NAIP: variants seen among roughly 807,000 people sequenced by gnomAD.
NAIP encodes the protein NLR family apoptosis inhibitory protein, also known as baculoviral IAP repeat-containing protein 1.
NAIP carries 15 observed loss-of-function variants against 23.0 expected under a neutral mutation model. That is an observed-to-expected ratio of 0.65 (90% CI 0.44 to 1.00). The LOEUF (loss-of-function observed/expected upper bound fraction) is 1.00. Among genes scored for constraint, NAIP ranks in the 50% least tolerant of loss-of-function variants. The pLI is 0.00. For missense variants in NAIP, 265 were observed against 278.8 expected, an observed-to-expected ratio of 0.95 and a Z score of 0.35; for synonymous variants, 100 against 100.2, an observed-to-expected ratio of 1.00 and a Z score of 0.01.
At position 71,008,055 on chromosome 5, in the gene NAIP, T is replaced by C. The variant is rs1267273587; in HGVS notation, c.668+3220A>G. Among the ~76,000 whole-genome samples the C allele has an allele frequency of 4.9e-5, 6 of 121,460 alleles. No homozygotes were observed. The South Asian group carries it at 1.9e-3, about 38-fold the overall frequency. 79.7% of individuals were successfully genotyped at this position (121,460 alleles called of 152,430 possible). On this transcript the variant is annotated intron_variant, in intron 5 of 16. Transcript: ENST00000517649. ...CTGGGATCACAGGTGTGAGCCACTGTGCCCAGCCTTTTTTTTTTTTTTTTT... is the reference window on the plus strand; with the variant it reads ...CTGGGATCACAGGTGTGAGCCACTGCGCCCAGCCTTTTTTTTTTTTTTTTT...
chr5:70,977,130 ATT>A (rs1168319035), intron 13 of NAIP, 72 bp from the exon 14 acceptor site: 2 of 103,310 alleles, frequency 1.9e-5, no homozygotes, highest in Admixed American at 9.7e-5. Context: ...CAAGTAGTTT[ATT>A]ATTTTGTTTC....
At chr5:70,977,977 C>G (rs1225292541) in intron 13 of NAIP, among the ~76,000 whole-genome samples, 1 of 124,406 alleles carries the variant, frequency 8.0e-6, no homozygotes, top group Non-Finnish European at 1.8e-5. Flanking sequence ...GCCTGGGTGA[C>G]AGATTGAGAC....
intron 4 of NAIP, 131 bp from the exon 5 acceptor site, chr5:71,011,505 G>A (rs1751157793): frequency 2.7e-6 from 2 of 752,464 alleles, no homozygotes; most frequent in African/African-American, 1.8e-5. Context: ...ATTGGCCTGA[G>A]TCTCCATCCT....
chr5:71,012,135 T>C (rs542733157), intron 4 of NAIP, among the ~76,000 whole-genome samples: 1 of 151,718 alleles, frequency 6.6e-6, no homozygotes, highest in African/African-American at 2.4e-5. Context: ...TCTTATTTTA[T>C]ATATATTTGA....
rs141020129 is a variant in NAIP, at chr5:71,012,816, A to C, written c.100T>G (p.Leu34Val). ...SALLGLDAVQ[L>V]AKELEEEEQK... Reference sequence around the variant, plus strand: ...TCCTCTTCTTCTAGTTCCTTTGCCAACTGAACTGCATCTAGGCCCAGAAGA... The same window carrying C: ...TCCTCTTCTTCTAGTTCCTTTGCCACCTGAACTGCATCTAGGCCCAGAAGA... Residue 34 changes from leucine to valine, a missense_variant, in exon 4 of 17, where the codon TTG becomes GTG. Around this residue, in one of 2 missense-constraint regions of NAIP, gnomAD observed 261 missense variants for 259.2 expected, o/e 1.01. Transcript: ENST00000517649. 1 of 1,611,902 alleles carries C rather than the reference A, an allele frequency of 6.2e-7. No homozygotes were observed. Among genetic ancestry groups the C allele is most frequent in the Non-Finnish European group, 8.5e-7 (1 of 1,178,486 alleles).
chr5:71,014,358 A>G (rs1005771674), intron 3 of NAIP, among the ~76,000 whole-genome samples: 1 of 147,262 alleles, frequency 6.8e-6, no homozygotes, highest in African/African-American at 2.5e-5. Context: ...TTGGCTTCCC[A>G]CTCTTGTCCT....
At chr5:70,978,149 A>T (rs211490) in intron 13 of NAIP, among the ~76,000 whole-genome samples, 2,380 of 24,258 alleles carry the variant, frequency 0.098, 321 homozygotes, top group Non-Finnish European at 0.22. Context: ...ATATATATAT[A>T]TTTTTTTTTT....
rs759032459 is a variant in NAIP at position 71,012,502 on chromosome 5, G to A, written c.414C>T (p.Tyr138=). ...LNKDVGNIAK[Y]DIRVKNLKSR... ...TCTTCAGATTCTTCACCCTTATGTC[G>A]TACTTGGCAATGTTACCAACATCCT... is the stretch of plus-strand genomic sequence containing the variant. The change falls in exon 4 of 17, where the codon TAC becomes TAT. Residue 138 remains tyrosine (Y), a synonymous_variant. Coordinates refer to ENST00000517649, the MANE Select transcript of NAIP (RefSeq NM_004536.3). 3.4e-5 allele frequency: 54 copies of A among 1,611,330 alleles called. 1 individual carries two copies. The highest frequency in any genetic ancestry group is 2.9e-4 in the South Asian group (26 of 90,948).
chr5:71,013,676 C>T (rs1751284393), intron 3 of NAIP, among the ~76,000 whole-genome samples: 2 of 150,472 alleles, frequency 1.3e-5, no homozygotes, highest in Admixed American at 1.3e-4. Flanking sequence ...CAGTAACAGG[C>T]CAATGACTGT....
intron 5 of NAIP, among the ~76,000 whole-genome samples, chr5:71,009,417 C>T (rs1179405634): frequency 6.7e-6 from 1 of 148,796 alleles, no homozygotes; most frequent in Admixed American, 6.7e-5. Flanking sequence ...TGGTCAGGCA[C>T]AGGTGGCTCA....
intron 13 of NAIP, among the ~76,000 whole-genome samples, chr5:70,977,386 A>G (rs1343310197): frequency 6.8e-6 from 1 of 146,508 alleles, no homozygotes; most frequent in African/African-American, 2.7e-5. Context: ...CAAAGAGGCC[A>G]GGTGCTGTGG....
At chr5:71,016,049 G>T (rs1330592150) in intron 3 of NAIP, among the ~76,000 whole-genome samples, 2 of 147,160 alleles carry the variant, frequency 1.4e-5, no homozygotes, top group Non-Finnish European at 3.0e-5. Flanking sequence ...TGAGGCCAAG[G>T]CGGGAGGATT....
intron 16 of NAIP, chr5:70,971,385 C>A (rs1202361157): frequency 1.5e-5 from 1 of 68,546 alleles, no homozygotes; most frequent in African/African-American, 3.2e-5. Flanking sequence ...ACCAGGCTGG[C>A]CAACATGGTG....
Position 71,012,231 on chromosome 5 carries a change from TA to T in NAIP, c.568+116del, listed in dbSNP as rs377526571. On this transcript the variant is annotated intron_variant, in intron 4 of 16. Coordinates refer to ENST00000517649, the MANE Select transcript of NAIP (RefSeq NM_004536.3). ...ATTTTAATAAACTAGACCTTATACC[TA>T]ATATAACACATTTAACCAGTGAAGA... The T allele has an allele frequency of 2.2e-3, 1,962 of 876,472 alleles. 79 individuals are homozygous for T. In the South Asian group the frequency reaches 0.035, roughly 16 times the overall value. 54.3% of individuals were successfully genotyped at this position (876,472 alleles called of 1,614,324 possible).
rs941320788 is a variant in NAIP, at chr5:71,015,864, C to A, written c.-3-2946G>T. On this transcript the variant is annotated intron_variant, in intron 3 of 16. Coordinates refer to ENST00000517649, the MANE Select transcript of NAIP (RefSeq NM_004536.3). ...GAGGCAGGAGAATTGCTTGAACCCA[C>A]GAGGCAGAGGTTGCAGTGAGCCGAG... is the stretch of plus-strand genomic sequence containing the variant. Among the ~76,000 whole-genome samples, 7 of 127,242 alleles carry A rather than the reference C, an allele frequency of 5.5e-5. 1 individual carries two copies. Among genetic ancestry groups the A allele is most frequent in the Non-Finnish European group, 8.5e-5 (5 of 58,778 alleles). 83.5% of individuals were successfully genotyped at this position (127,242 alleles called of 152,430 possible).
intron 12 of NAIP, among the ~76,000 whole-genome samples, chr5:70,981,104 G>A (rs1209384278): frequency 6.8e-6 from 1 of 147,444 alleles, no homozygotes; most frequent in Non-Finnish European, 1.5e-5. Flanking sequence ...ACCACAATGA[G>A]ATACCACTTC....
intron 3 of NAIP, among the ~76,000 whole-genome samples, chr5:71,014,109 T>G (rs1388366314): frequency 1.3e-5 from 2 of 151,148 alleles, no homozygotes; most frequent in Non-Finnish European, 3.0e-5. Flanking sequence ...CCTCCTTTTT[T>G]TTTTTTTTTA....
chr5:71,011,443 G>T, intron 4 of NAIP, 69 bp from the exon 5 acceptor site: 1 of 1,284,376 alleles, frequency 7.8e-7, no homozygotes, highest in Non-Finnish European at 1.1e-6. Context: ...AGAGTTGATT[G>T]TTTTGTTCAG....
intron 4 of NAIP, chr5:71,011,610 C>T (rs1751163259): frequency 3.7e-6 from 2 of 542,574 alleles, no homozygotes; most frequent in Non-Finnish European, 3.3e-6. Context: ...CCAGCTGCCC[C>T]CCAGAGCTGG....
Sources: allele counts gnomAD v4.1 joint callset (sites outside exome capture counted in the v4.1 genomes callset), GRCh38; gene constraint gnomAD v4.1.1; regional missense constraint gnomAD v4.1.1; transcripts MANE v1.5; gene names NCBI Gene and HGNC (gene_info 2026-07-23, HGNC 2026-07-21).